The following RSPRY1 variants were observed in gnomAD, a reference collection of about 807,000 sequenced individuals.
RSPRY1 encodes the protein RING finger and SPRY domain-containing protein 1.
Under a neutral mutation model 73.1 loss-of-function variants are expected in RSPRY1, and 23 were observed. That is an observed-to-expected ratio of 0.31 (90% CI 0.23 to 0.45). The LOEUF (loss-of-function observed/expected upper bound fraction) is 0.45, where lower values mean the gene tolerates loss of function less well. RSPRY1 is among the 20% of genes least tolerant of loss of function. RSPRY1 has a pLI of 1.00. For missense variants in RSPRY1, 448 were observed against 698.7 expected, an observed-to-expected ratio of 0.64 and a Z score of 4.05; for synonymous variants, 226 against 251.4, an observed-to-expected ratio of 0.90 and a Z score of 0.95.
At chr16:57,188,488 G>A (rs2074291354) in intron 1 of RSPRY1, among the ~76,000 whole-genome samples, 3 of 152,036 alleles carry the variant, frequency 2.0e-5, no homozygotes, top group African/African-American at 4.8e-5. Flanking sequence ...GATTTTTTCC[G>A]AAGTAATTTA....
intron 10 of RSPRY1, among the ~76,000 whole-genome samples, chr16:57,226,674 A>G (rs1279049102): frequency 6.6e-6 from 1 of 152,160 alleles, no homozygotes; most frequent in African/African-American, 2.4e-5. Context: ...TTTTGTTGCC[A>G]TCTTGGTTTT....
In RSPRY1 at chr16:57,201,461, C is replaced by T. The variant is rs576600802; in HGVS notation, c.-155-3043C>T. On this transcript the variant is annotated intron_variant, in intron 1 of 14. Coordinates refer to ENST00000394420, the MANE Select transcript of RSPRY1 (RefSeq NM_133368.3). Reference sequence around the variant, plus strand: ...GGATGGCGGCCGGGCAGAGACGCTCCTCACTTTCCAGACTGGGCAGCCAGG... The same window carrying T: ...GGATGGCGGCCGGGCAGAGACGCTCTTCACTTTCCAGACTGGGCAGCCAGG... Among the ~76,000 whole-genome samples the T allele has an allele frequency of 6.9e-4, 104 of 151,288 alleles. 1 individual carries two copies. The East Asian group carries it at 0.017, about 25-fold the overall frequency.
chr16:57,204,979 A>G lies in RSPRY1; in HGVS notation c.321A>G (p.Thr107=). Residue 107 remains threonine (T), a synonymous_variant, in exon 2 of 15, where the codon ACA becomes ACG. Transcript: ENST00000394420. ...KQNVDGLVLD[T]LAVIRTLVDN... ...ATGTGGATGGGCTAGTGTTGGACAC[A>G]CTGGCAGTAATACGGACTCTTGTAG... 1 of 1,614,048 alleles carries G rather than the reference A, an allele frequency of 6.2e-7. No homozygotes were observed. Among genetic ancestry groups the G allele is most frequent in the East Asian group, 2.2e-5 (1 of 44,886 alleles).
intron 14 of RSPRY1, among the ~76,000 whole-genome samples, chr16:57,238,553 A>G (rs1473190987): frequency 1.3e-5 from 2 of 152,220 alleles, no homozygotes; most frequent in Non-Finnish European, 2.9e-5. Context: ...CTGTTTGGTA[A>G]ATGATTCTGG....
At chr16:57,212,845 C>T in intron 4 of RSPRY1, 127 bp from the exon 5 acceptor site, 1 of 871,158 alleles carries the variant, frequency 1.1e-6, no homozygotes, top group South Asian at 1.7e-5. Context: ...GAACTCTTGA[C>T]CTTGTGGTCC....
At chr16:57,186,185 C>A, upstream of RSPRY1, 1 of 985,718 alleles carries the variant, frequency 1.0e-6, no homozygotes, top group Non-Finnish European at 1.2e-6. Context: ...GGCCAGTCTG[C>A]GCCTGGAGGG....
At chr16:57,197,480 G>GT (rs1485826212) in intron 1 of RSPRY1, among the ~76,000 whole-genome samples, 5 of 151,338 alleles carry the variant, frequency 3.3e-5, no homozygotes, top group Non-Finnish European at 5.9e-5. Context: ...TTTACACTTG[G>GT]TTTTCACAGA....
At chr16:57,230,937 A>C in intron 12 of RSPRY1, 124 bp downstream of exon 12, 1 of 713,816 alleles carries the variant, frequency 1.4e-6, no homozygotes, top group South Asian at 1.8e-5. Context: ...ATTTCAAGTG[A>C]TTGGGAACCC....
chr16:57,233,611 C>G (rs2075258982), intron 13 of RSPRY1, among the ~76,000 whole-genome samples: 2 of 152,176 alleles, frequency 1.3e-5, no homozygotes, highest in African/African-American at 2.4e-5. Context: ...TTCAAGCCAT[C>G]TGCCTGCCTC....
chr16:57,201,778 G>C (rs536670538), intron 1 of RSPRY1, among the ~76,000 whole-genome samples: 1 of 152,236 alleles, frequency 6.6e-6, no homozygotes. Flanking sequence ...CCAACACAGC[G>C]AAACCCCGTC....
intron 1 of RSPRY1, among the ~76,000 whole-genome samples, chr16:57,190,678 G>C (rs2074337703): frequency 6.6e-6 from 1 of 152,142 alleles, no homozygotes; most frequent in African/African-American, 2.4e-5. Context: ...CTTTTGGAGG[G>C]GACTTTTACA....
rs776513414 is a variant in RSPRY1, at chr16:57,239,592, GTTTGTTTT to G, written c.*628_*635del. The G allele has an allele frequency of 6.6e-6, 1 of 150,894 alleles. No individual in the cohort carries two copies. Among genetic ancestry groups the G allele is most frequent in the Admixed American group, 6.6e-5 (1 of 15,164 alleles). 9.3% of individuals were successfully genotyped at this position (150,894 alleles called of 1,614,324 possible). On this transcript the variant is annotated 3_prime_UTR_variant, in exon 15 of 15. Transcript: ENST00000394420. ...TTCCAAAGAACATTCTAGGTTTTTT[GTTTGTTTT>G]TTTGTTTTTTGGGTTTTTTTTTTTT...
At chr16:57,207,780 TA>T in intron 2 of RSPRY1, 1 of 511,084 alleles carries the variant, frequency 2.0e-6, no homozygotes, top group Non-Finnish European at 3.8e-6. Context: ...TCTCCAGTTT[TA>T]CTCCTGTGCT....
chr16:57,219,508 A>G (rs376611419), intron 8 of RSPRY1, among the ~76,000 whole-genome samples: 1 of 152,146 alleles, frequency 6.6e-6, no homozygotes, highest in African/African-American at 2.4e-5. Context: ...TAATCAGATT[A>G]TTGAATGTTT....
chr16:57,216,634 C>T (rs1167943208), intron 7 of RSPRY1: 7 of 413,140 alleles, frequency 1.7e-5, no homozygotes, highest in African/African-American at 1.2e-4. Context: ...GCGGGGGGAT[C>T]ACTTGAGCCC....
At chr16:57,205,127 C>G in intron 2 of RSPRY1, 119 bp downstream of exon 2, 1 of 690,994 alleles carries the variant, frequency 1.4e-6, no homozygotes, top group Non-Finnish European at 2.4e-6. Flanking sequence ...GCTCACAGGG[C>G]AAAGGAGAAT....
At chr16:57,211,346 G>C (rs1359870846) in intron 4 of RSPRY1, among the ~76,000 whole-genome samples, 2 of 151,584 alleles carry the variant, frequency 1.3e-5, no homozygotes, top group Non-Finnish European at 2.9e-5. Context: ...AAGGCAGACA[G>C]ATCACTTGAG....
In RSPRY1 at chr16:57,234,014, T is replaced by C. The variant is rs149620070; in HGVS notation, c.1530-1110T>C. Reference sequence around the variant, plus strand: ...AAAGATGCCAGTGCGTGGCTTCTTATTCACTGAACGGAAAAGCCAAAACCT... The same window carrying C: ...AAAGATGCCAGTGCGTGGCTTCTTACTCACTGAACGGAAAAGCCAAAACCT... On this transcript the variant is annotated intron_variant, in intron 13 of 14. Coordinates refer to ENST00000394420, the MANE Select transcript of RSPRY1 (RefSeq NM_133368.3). Among the ~76,000 whole-genome samples the C allele has an allele frequency of 5.9e-3, 896 of 152,314 alleles. 9 individuals carry two copies. The highest frequency in any genetic ancestry group is 0.02 in the African/African-American group (851 of 41,564).
chr16:57,211,713 CT>C (rs1199913614), intron 4 of RSPRY1, among the ~76,000 whole-genome samples: 55 of 147,148 alleles, frequency 3.7e-4, no homozygotes, highest in Middle Eastern at 3.6e-3. Flanking sequence ...TTACAGAGTC[CT>C]TTTTTTTTTT....
Sources: allele counts gnomAD v4.1 joint callset (sites outside exome capture counted in the v4.1 genomes callset), GRCh38; gene constraint gnomAD v4.1.1; transcripts MANE v1.5; gene names NCBI Gene and HGNC (gene_info 2026-07-23, HGNC 2026-07-21).